MTMR8: variants seen among roughly 807,000 people sequenced by gnomAD.
MTMR8 encodes the protein myotubularin related protein 8.
A neutral mutation model predicts 39.3 loss-of-function variants in MTMR8; 65 were observed. That is an observed-to-expected ratio of 1.65 (90% CI 1.35 to 2.03). MTMR8 has a LOEUF of 2.03. Among genes scored for constraint, MTMR8 ranks in the 30% most tolerant of loss-of-function variants. MTMR8 has a pLI of 0.00. For missense variants in MTMR8, 777 were observed against 538.9 expected (o/e 1.44, Z -4.37); for synonymous variants, 245 against 185.2 (o/e 1.32, Z -2.62).
intron 12 of MTMR8, among the ~76,000 whole-genome samples, chrX:64,285,129 T>G (rs1365510520): frequency 9.0e-6 from 1 of 111,019 alleles, no homozygotes; most frequent in Non-Finnish European, 1.9e-5. Flanking sequence ...TGGAGGAAGA[T>G]CTACCAAGCA....
chrX:64,359,461 T>C lies in MTMR8; in HGVS notation c.91A>G (p.Thr31Ala). The C allele has an allele frequency of 8.3e-7, 1 of 1,208,987 alleles. No individual in the cohort carries two copies. The highest frequency in any genetic ancestry group is 1.1e-6 in the Non-Finnish European group (1 of 893,668). The change falls in exon 2 of 14, where the codon ACT (threonine) becomes GCT (alanine). Residue 31 changes from threonine (T) to alanine (A), a missense_variant. Thr to Ala is a moderately conservative substitution (Grantham distance 58). Transcript: ENST00000374852. ...TCCACATAGATCAGGTGGGTTGCAG[T>C]AAGATAAAGAATCCCATTAGCTGGT... ...KKPANGILYL[T>A]ATHLIYVEAS...
At chrX:64,335,992 C>T (rs1236832978) in intron 10 of MTMR8, 87 bp downstream of exon 10, 1 of 648,687 alleles carries the variant, frequency 1.5e-6, no homozygotes, top group Non-Finnish European at 2.3e-6. Context: ...CCTCTTCCTT[C>T]CTTTACATGT....
intron 12 of MTMR8, among the ~76,000 whole-genome samples, chrX:64,303,418 G>A (rs1463102076): frequency 8.9e-6 from 1 of 112,245 alleles, no homozygotes; most frequent in Non-Finnish European, 1.9e-5. Context: ...GTTCAACAGA[G>A]TTATGTTCAC....
At chrX:64,355,543 T>C (rs987276886) in intron 3 of MTMR8, among the ~76,000 whole-genome samples, 6 of 111,391 alleles carry the variant, frequency 5.4e-5, no homozygotes, top group Non-Finnish European at 9.4e-5. Flanking sequence ...AGCAGGTAAC[T>C]TTATCAATAA....
intron 12 of MTMR8, among the ~76,000 whole-genome samples, chrX:64,323,846 C>T (rs771611402): frequency 1.8e-5 from 2 of 111,893 alleles, no homozygotes; most frequent in African/African-American, 3.3e-5. Context: ...AAAAGGAAGT[C>T]TAAAAATTTC....
intron 10 of MTMR8, among the ~76,000 whole-genome samples, chrX:64,335,177 G>A (rs1325778203): frequency 1.8e-5 from 2 of 109,786 alleles, no homozygotes; most frequent in Non-Finnish European, 3.8e-5. Context: ...TGTCACCCAG[G>A]CTGGAGTGCA....
At chrX:64,270,327 C>T (rs1437828663) in intron 13 of MTMR8, among the ~76,000 whole-genome samples, 4 of 111,961 alleles carry the variant, frequency 3.6e-5, no homozygotes, top group Non-Finnish European at 7.5e-5. Context: ...GGGTTCACAC[C>T]CAGTTCCTAA....
At chrX:64,381,278 A>T (rs775376133) in intron 1 of MTMR8, among the ~76,000 whole-genome samples, 1 of 111,572 alleles carries the variant, frequency 9.0e-6, no homozygotes, top group African/African-American at 3.3e-5. Context: ...CTTTTTAATG[A>T]TCACCATTCT....
intron 1 of MTMR8, 34 bp from the exon 2 acceptor site, chrX:64,359,561 C>A (rs751486096): frequency 1.5e-5 from 17 of 1,169,803 alleles, no homozygotes; most frequent in Non-Finnish European, 2.0e-5. Context: ...GAATAAGTTA[C>A]CAACTCACCA....
chrX:64,393,164 C>A lies in MTMR8; in HGVS notation c.24+2176G>T, dbSNP rs1032519992. Among the ~76,000 whole-genome samples the A allele has an allele frequency of 9.8e-5, 11 of 112,008 alleles. No homozygotes were observed. The South Asian group carries it at 2.6e-3, about 27-fold the overall frequency. On this transcript the variant is annotated intron_variant, in intron 1 of 13. Coordinates refer to ENST00000374852, the MANE Select transcript of MTMR8 (RefSeq NM_017677.4). ...TTGAGCACGAACCCTATCCCAGCAC[C>A]AGTCTGAGCACTCCTATCTTTGTTT...
chrX:64,388,829 G>A (rs1202465551), intron 1 of MTMR8, among the ~76,000 whole-genome samples: 1 of 112,100 alleles, frequency 8.9e-6, no homozygotes, highest in African/African-American at 3.2e-5. Flanking sequence ...ATAGGTGAAC[G>A]TTCACTATGA....
chrX:64,275,146 A>C (rs1931843133), intron 12 of MTMR8, among the ~76,000 whole-genome samples: 1 of 111,531 alleles, frequency 9.0e-6, no homozygotes, highest in Non-Finnish European at 1.9e-5. Flanking sequence ...ATATATCAAA[A>C]CATCACATTG....
At chrX:64,280,260 G>A (rs1931972842) in intron 12 of MTMR8, among the ~76,000 whole-genome samples, 1 of 111,750 alleles carries the variant, frequency 8.9e-6, no homozygotes, top group Non-Finnish European at 1.9e-5. Flanking sequence ...GAAAACTTCA[G>A]GCCAATATCC....
intron 12 of MTMR8, among the ~76,000 whole-genome samples, chrX:64,272,384 T>C (rs761850387): frequency 9.0e-5 from 10 of 110,549 alleles, no homozygotes; most frequent in African/African-American, 3.3e-4. Context: ...ATACAATAAC[T>C]GAAGAATCCA....
At chrX:64,356,384 T>C in intron 2 of MTMR8, 46 bp from the exon 3 acceptor site, 1 of 1,093,528 alleles carries the variant, frequency 9.1e-7, no homozygotes, top group Non-Finnish European at 1.2e-6. Context: ...ATGTGCAATA[T>C]CTCTATCACT....
chrX:64,339,885 G>A (rs1446847547), intron 8 of MTMR8, among the ~76,000 whole-genome samples: 1 of 111,247 alleles, frequency 9.0e-6, no homozygotes, highest in African/African-American at 3.3e-5. Context: ...ACAGAGAGGG[G>A]AGTTACCATG....
chrX:64,274,172 G>A (rs1007805923), intron 12 of MTMR8, among the ~76,000 whole-genome samples: 2 of 111,723 alleles, frequency 1.8e-5, no homozygotes, highest in Non-Finnish European at 3.8e-5. Context: ...AAAAGCACAT[G>A]TAACATTCTC....
chrX:64,364,535 G>A (rs778436572), intron 1 of MTMR8, among the ~76,000 whole-genome samples: 7 of 112,013 alleles, frequency 6.2e-5, no homozygotes, highest in Non-Finnish European at 9.4e-5. Flanking sequence ...CTATTAGAAG[G>A]AAAAGTAACA....
intron 12 of MTMR8, among the ~76,000 whole-genome samples, chrX:64,308,401 C>T (rs1220254164): frequency 9.9e-6 from 1 of 101,032 alleles, no homozygotes; most frequent in Admixed American, 1.1e-4. Flanking sequence ...GATCTCCTGA[C>T]CTCGTGATCC....
Sources: gnomAD v4.1 joint callset for allele counts (sites outside exome capture counted in the v4.1 genomes callset) on GRCh38, gnomAD v4.1.1 for gene constraint, MANE v1.5 for transcripts, NCBI Gene and HGNC (gene_info 2026-07-23, HGNC 2026-07-21) for gene names.